Variants in GALNT13 observed in about 807,000 individuals in gnomAD.
GALNT13 encodes UDP-GalNAc:polypeptide N-acetylgalactosaminyltransferase 13.
A neutral mutation model predicts 64.2 loss-of-function variants in GALNT13; 28 were observed. The observed-to-expected ratio is 0.44, with a 90% CI of 0.32 to 0.60. GALNT13 has a LOEUF of 0.60. GALNT13 is among the 20% of genes least tolerant of loss of function. The pLI, the probability that GALNT13 is intolerant of heterozygous loss-of-function variation, is 0.05. For synonymous variants in GALNT13, 214 were observed against 224.6 expected (o/e 0.95, Z 0.42); for missense variants, 577 against 669.8 (o/e 0.86, Z 1.53).
chr2:153,513,402 T>C, the GALNT13 span, among the ~76,000 whole-genome samples: 1 of 152,236 alleles, frequency 6.6e-6, no homozygotes, highest in Admixed American at 6.5e-5. Context: ...CATCAAATTA[T>C]CAGACTCAAA....
At chr2:153,454,810 T>G in the GALNT13 span, among the ~76,000 whole-genome samples, 3 of 152,238 alleles carry the variant, frequency 2.0e-5, no homozygotes, top group African/African-American at 7.2e-5. Context: ...GCACACAGCG[T>G]ACTCACACCA....
At chr2:153,214,463 G>C in the GALNT13 span, among the ~76,000 whole-genome samples, 1 of 152,096 alleles carries the variant, frequency 6.6e-6, no homozygotes, top group East Asian at 1.9e-4. Context: ...TTGCATAACT[G>C]TACCCACTCT....
chr2:153,790,969 A>G, the GALNT13 span, among the ~76,000 whole-genome samples: 1 of 152,214 alleles, frequency 6.6e-6, no homozygotes, highest in Non-Finnish European at 1.5e-5. Flanking sequence ...AAACAAATGG[A>G]AAGATTTCAT....
intron 9 of GALNT13, among the ~76,000 whole-genome samples, chr2:154,342,364 CTG>C (rs1350062432): frequency 2.3e-4 from 35 of 152,040 alleles, no homozygotes; most frequent in Admixed American, 2.3e-3. Context: ...GAAAGACAAA[CTG>C]TAAACATTAA....
chr2:153,888,400 A>G (rs1558836127), intron 1 of GALNT13, among the ~76,000 whole-genome samples: 1 of 152,030 alleles, frequency 6.6e-6, no homozygotes, highest in Non-Finnish European at 1.5e-5. Context: ...TGAGGACATT[A>G]TAGGTTATTA....
the GALNT13 span, among the ~76,000 whole-genome samples, chr2:153,287,173 C>G: frequency 3.3e-5 from 5 of 152,168 alleles, no homozygotes; most frequent in Admixed American, 1.3e-4. Flanking sequence ...CGCAGGCACG[C>G]GATGGGGGTG....
the GALNT13 span, among the ~76,000 whole-genome samples, chr2:153,550,930 A>G: frequency 1.3e-5 from 2 of 152,156 alleles, no homozygotes; most frequent in Non-Finnish European, 2.9e-5. Context: ...AAAACTATAG[A>G]TTATGAGGTA....
chr2:153,550,123 C>A, the GALNT13 span, among the ~76,000 whole-genome samples: 1 of 152,152 alleles, frequency 6.6e-6, no homozygotes, highest in South Asian at 2.1e-4. Context: ...AAGAGCCTGG[C>A]TTCACAAGAT....
the GALNT13 span, among the ~76,000 whole-genome samples, chr2:153,101,828 C>G: frequency 1.3e-5 from 2 of 152,188 alleles, no homozygotes; most frequent in Admixed American, 6.5e-5. Context: ...TCTGTCTTTG[C>G]GTAGAAATAA....
chr2:153,134,515 A>T, the GALNT13 span, among the ~76,000 whole-genome samples: 3 of 152,284 alleles, frequency 2.0e-5, no homozygotes, highest in East Asian at 5.8e-4. Flanking sequence ...AACACGCTAC[A>T]CAATTCTCAG....
chr2:153,625,445 A>G, the GALNT13 span, among the ~76,000 whole-genome samples: 3 of 152,306 alleles, frequency 2.0e-5, no homozygotes, highest in South Asian at 6.2e-4. Flanking sequence ...TTAAGATATC[A>G]GTAAGTCCTT....
Position 154,430,749 on chromosome 2 carries a change from T to C in GALNT13, c.1396-7843T>C, listed in dbSNP as rs115785304. ...AAGTTGATTGATGTGATAAACTTCATTGTTGTCTTATTTTTTAAAATTACT... is the reference window on the plus strand; with the variant it reads ...AAGTTGATTGATGTGATAAACTTCACTGTTGTCTTATTTTTTAAAATTACT... On this transcript the variant is annotated intron_variant, in intron 11 of 12. Transcript: ENST00000392825. Among the ~76,000 whole-genome samples the C allele has an allele frequency of 9.9e-3, 1,506 of 152,224 alleles. 22 individuals carry two copies. The highest frequency in any genetic ancestry group is 0.04 in the South Asian group (195 of 4,816).
the GALNT13 span, among the ~76,000 whole-genome samples, chr2:153,232,317 A>G: frequency 1.3e-5 from 2 of 152,336 alleles, no homozygotes; most frequent in Admixed American, 6.5e-5. Flanking sequence ...ATTCACTGAT[A>G]TTTTATAAAT....
chr2:153,180,560 C>A, the GALNT13 span, among the ~76,000 whole-genome samples: 1 of 152,044 alleles, frequency 6.6e-6, no homozygotes, highest in Admixed American at 6.6e-5. Context: ...AGGAAGAATT[C>A]CCTCTTTAAT....
At chr2:153,862,726 A>G in the GALNT13 span, among the ~76,000 whole-genome samples, 2 of 152,044 alleles carry the variant, frequency 1.3e-5, no homozygotes, top group Admixed American at 6.6e-5. Flanking sequence ...TATAGCATAT[A>G]TATATTTGTA....
chr2:154,435,889 A>G (rs1372184240), intron 11 of GALNT13: 2 of 152,204 alleles, frequency 1.3e-5, no homozygotes, highest in South Asian at 4.1e-4. Context: ...TAATAATGAC[A>G]ATTATGGGTT....
intron 8 of GALNT13, among the ~76,000 whole-genome samples, chr2:154,296,989 G>T (rs1692962410): frequency 6.6e-6 from 1 of 152,102 alleles, no homozygotes; most frequent in African/African-American, 2.4e-5. Context: ...CCGGGTACAG[G>T]GGAAGGAGAT....
Position 154,452,569 on chromosome 2 carries a change from T to C in GALNT13, c.*2018T>C, listed in dbSNP as rs1479269843. ...TAGAAAATGGTCAATGGCAAATTTT[T>C]ATAAATACAGCTACCCCATCAAAGC... On this transcript the variant is annotated 3_prime_UTR_variant, in exon 13 of 13. Coordinates refer to ENST00000392825, the MANE Select transcript of GALNT13 (RefSeq NM_052917.4). 1 of 152,182 alleles carries C rather than the reference T, an allele frequency of 6.6e-6. No homozygotes were observed. Among genetic ancestry groups the C allele is most frequent in the Non-Finnish European group, 1.5e-5 (1 of 68,032 alleles). The allele number at this position is 152,182 out of a possible 1,614,324, so 9.4% of individuals were successfully genotyped here. A position where few individuals can be genotyped will look rare whatever the true frequency, so the allele number is the denominator to read the frequency against.
chr2:153,842,875 T>A, the GALNT13 span, among the ~76,000 whole-genome samples: 63,486 of 152,016 alleles, frequency 0.42, 14,231 homozygotes, highest in Admixed American at 0.57. Context: ...GATTCCAGTT[T>A]TATCAAGAAA....
Sources: allele counts gnomAD v4.1 joint callset (sites outside exome capture counted in the v4.1 genomes callset), GRCh38; gene constraint gnomAD v4.1.1; transcripts MANE v1.5; gene names NCBI Gene and HGNC (gene_info 2026-07-23, HGNC 2026-07-21).